NXPE2: variants seen among roughly 807,000 people sequenced by gnomAD.
The protein encoded by NXPE2 is neurexophilin and PC-esterase domain family member 2.
Under a neutral mutation model 34.4 loss-of-function variants are expected in NXPE2, and 34 were observed. The ratio of observed to expected loss-of-function variants is 0.99; its 90% CI spans 0.75 to 1.31. The LOEUF (loss-of-function observed/expected upper bound fraction) is 1.31. NXPE2 is among the 40% of genes most tolerant of loss of function. NXPE2 has a pLI of 0.00. For missense variants in NXPE2, 649 were observed against 672.5 expected, an observed-to-expected ratio of 0.97 and a Z score of 0.39; for synonymous variants, 235 against 231.3, an observed-to-expected ratio of 1.02 and a Z score of -0.15.
At chr11:114,638,039 G>C in the NXPE2 span, among the ~76,000 whole-genome samples, 3 of 151,576 alleles carry the variant, frequency 2.0e-5, no homozygotes, top group East Asian at 5.8e-4. Context: ...AGTTCTCCTG[G>C]ATAATATCCT....
the NXPE2 span, among the ~76,000 whole-genome samples, chr11:114,586,902 A>G: frequency 9.2e-5 from 14 of 152,294 alleles, no homozygotes; most frequent in South Asian, 1.2e-3. Context: ...GCCTGGGAAT[A>G]TAGCTCATGG....
At chr11:114,627,952 C>T in the NXPE2 span, among the ~76,000 whole-genome samples, 13 of 152,050 alleles carry the variant, frequency 8.5e-5, no homozygotes, top group Admixed American at 8.5e-4. Flanking sequence ...AAGGGATCAA[C>T]TCAACAAGAA....
At chr11:114,602,767 A>G in the NXPE2 span, among the ~76,000 whole-genome samples, 1 of 145,038 alleles carries the variant, frequency 6.9e-6, no homozygotes, top group African/African-American at 2.5e-5. Flanking sequence ...TATCTCATAT[A>G]TAATTACAGA....
chr11:114,533,640 C>G, the NXPE2 span, among the ~76,000 whole-genome samples: 2 of 152,372 alleles, frequency 1.3e-5, no homozygotes, highest in South Asian at 4.1e-4. Context: ...GAGATTATAT[C>G]CCGCACCTGG....
At chr11:114,619,558 T>G in the NXPE2 span, among the ~76,000 whole-genome samples, 1 of 151,752 alleles carries the variant, frequency 6.6e-6, no homozygotes, top group African/African-American at 2.4e-5. Flanking sequence ...GGGTAACCAC[T>G]GTTACCTGGT....
chr11:114,773,279 A>ACCCCCCCCCC, the NXPE2 span, among the ~76,000 whole-genome samples: 19 of 69,352 alleles, frequency 2.7e-4, no homozygotes, highest in Non-Finnish European at 3.6e-4. Flanking sequence ...ACCCACTCCC[A>ACCCCCCCCCC]CCCCCCCCCC....
intron 2 of NXPE2, among the ~76,000 whole-genome samples, chr11:114,682,401 T>A (rs541802811): frequency 1.6e-4 from 24 of 152,272 alleles, no homozygotes; most frequent in South Asian, 6.2e-4. Context: ...TCCCTGGGCC[T>A]TGAGGAGTTG....
the NXPE2 span, chr11:114,582,518 G>T: frequency 1.2e-6 from 2 of 1,614,138 alleles, no homozygotes; most frequent in East Asian, 4.5e-5. Flanking sequence ...AGATCACCCT[G>T]TCATAGCCTT....
chr11:114,608,648 T>G, the NXPE2 span, among the ~76,000 whole-genome samples: 2 of 151,840 alleles, frequency 1.3e-5, no homozygotes, highest in Non-Finnish European at 2.9e-5. Flanking sequence ...GCCTCGAGGG[T>G]AACCACTGTT....
the NXPE2 span, among the ~76,000 whole-genome samples, chr11:114,638,311 C>T: frequency 1.8e-3 from 280 of 152,134 alleles, 2 homozygotes; most frequent in Non-Finnish European, 3.1e-3. Context: ...GTTTTCAGCT[C>T]CATCAGCTCC....
chr11:114,484,390 C>A, the NXPE2 span, among the ~76,000 whole-genome samples: 30 of 152,142 alleles, frequency 2.0e-4, no homozygotes, highest in Non-Finnish European at 4.4e-5. Flanking sequence ...TTGATGACTG[C>A]ATGTGCTCTC....
chr11:114,592,713 A>G, the NXPE2 span, among the ~76,000 whole-genome samples: 1 of 152,304 alleles, frequency 6.6e-6, no homozygotes. Flanking sequence ...GAAGATCCAG[A>G]ATAGCCAAAG....
At chr11:114,773,895 C>G in the NXPE2 span, among the ~76,000 whole-genome samples, 18 of 152,358 alleles carry the variant, frequency 1.2e-4, no homozygotes, top group Admixed American at 9.8e-4. Context: ...CTTTGGGTTT[C>G]GTCTGGACTA....
the NXPE2 span, among the ~76,000 whole-genome samples, chr11:114,609,255 A>C: frequency 6.6e-6 from 1 of 151,762 alleles, no homozygotes; most frequent in Non-Finnish European, 1.5e-5. Flanking sequence ...CCCAGTGGTT[A>C]ATAAGTATTG....
the NXPE2 span, among the ~76,000 whole-genome samples, chr11:114,499,860 T>A: frequency 6.6e-6 from 1 of 152,172 alleles, no homozygotes; most frequent in Non-Finnish European, 1.5e-5. Flanking sequence ...GTATATGAAA[T>A]CTTACAGTAT....
intron 3 of NXPE2, among the ~76,000 whole-genome samples, chr11:114,703,328 G>A (rs867192871): frequency 1.3e-4 from 20 of 152,244 alleles, no homozygotes; most frequent in Middle Eastern, 3.4e-3. Flanking sequence ...AACCAAAAGG[G>A]CAGAAAGATA....
At chr11:114,621,374 A>G in the NXPE2 span, among the ~76,000 whole-genome samples, 1,481 of 152,276 alleles carry the variant, frequency 9.7e-3, 26 homozygotes, top group African/African-American at 0.033. Flanking sequence ...TATCTGCTGC[A>G]TAATATCTGT....
At chr11:114,595,812 G>T in the NXPE2 span, 1 of 152,268 alleles carries the variant, frequency 6.6e-6, no homozygotes, top group African/African-American at 2.4e-5. Flanking sequence ...TCCACCTTAA[G>T]GAGGGGCCTG....
the NXPE2 span, among the ~76,000 whole-genome samples, chr11:114,805,229 G>C: frequency 2.0e-5 from 3 of 151,366 alleles, no homozygotes; most frequent in Non-Finnish European, 4.4e-5. Context: ...AGGGAGATAG[G>C]AACAGCTCTG....
Sources: gnomAD v4.1 joint callset for allele counts (sites outside exome capture counted in the v4.1 genomes callset) on GRCh38, gnomAD v4.1.1 for gene constraint, MANE v1.5 for transcripts, NCBI Gene and HGNC (gene_info 2026-07-23, HGNC 2026-07-21) for gene names.